The following ACO1 variants were observed in gnomAD, a reference collection of about 807,000 sequenced individuals.
ACO1 encodes aconitase 1, also known as cytoplasmic aconitate hydratase.
ACO1 carries 78 observed loss-of-function variants against 105.1 expected under a neutral mutation model. That is an observed-to-expected ratio of 0.74 (90% confidence interval 0.62 to 0.90). ACO1 has a LOEUF of 0.90. Ranked by LOEUF, ACO1 falls within the 40% of genes least tolerant of loss-of-function variation. The pLI is 0.00. For synonymous variants in ACO1, 364 were observed against 397.4 expected (o/e 0.92, Z 1.00); for missense variants, 965 against 1,111.1 (o/e 0.87, Z 1.87).
At chr9:32,386,948 A>T (rs992697456) in intron 1 of ACO1, among the ~76,000 whole-genome samples, 5 of 152,212 alleles carry the variant, frequency 3.3e-5, no homozygotes, top group Admixed American at 6.5e-5. Flanking sequence ...TCTATTATAT[A>T]GTCAGAGTGT....
chr9:32,437,608 G>T (rs1206252912), intron 18 of ACO1, among the ~76,000 whole-genome samples: 1 of 152,178 alleles, frequency 6.6e-6, no homozygotes, highest in African/African-American at 2.4e-5. Context: ...AGCCCTGCAT[G>T]ACATAGAACT....
At position 32,436,172 on chromosome 9, in the gene ACO1, T is replaced by C. The variant is rs144427419; in HGVS notation, c.2100-78T>C. 40 of 1,584,908 alleles carry C rather than the reference T, an allele frequency of 2.5e-5. No individual in the cohort carries two copies. In the East Asian group the frequency reaches 8.7e-4, roughly 35 times the overall value. ...GTCTATGTTTTGTTTTGTTTTGTTT[T>C]TTTCTTTTCTTGGTGTAAGCTAAGG... is the stretch of plus-strand genomic sequence containing the variant. On this transcript the variant is annotated intron_variant, in intron 17 of 20. Transcript: ENST00000309951.
At chr9:32,447,309 T>C (rs941379213) in intron 19 of ACO1, among the ~76,000 whole-genome samples, 2 of 152,234 alleles carry the variant, frequency 1.3e-5, no homozygotes, top group African/African-American at 4.8e-5. Flanking sequence ...CTTTATTTCA[T>C]TGAGTTGATC....
intron 13 of ACO1, 132 bp from the exon 14 acceptor site, chr9:32,430,286 T>C: frequency 1.2e-6 from 1 of 849,444 alleles, no homozygotes; most frequent in Non-Finnish European, 1.8e-6. Flanking sequence ...TCCCCTCTAG[T>C]GGGAGAGAAC....
intron 3 of ACO1, among the ~76,000 whole-genome samples, chr9:32,407,937 C>G (rs1372325022): frequency 6.6e-6 from 1 of 152,212 alleles, no homozygotes; most frequent in Non-Finnish European, 1.5e-5. Flanking sequence ...CCCATTGCAG[C>G]ATCTTTGTTG....
intron 2 of ACO1, 107 bp downstream of exon 2, chr9:32,405,710 G>C (rs149388820): frequency 1.9e-4 from 148 of 783,658 alleles, no homozygotes; most frequent in Non-Finnish European, 2.4e-4. Context: ...CAGAGAATGG[G>C]TGAATGTTCT....
rs769668610 is a variant in ACO1, at chr9:32,425,984, G to A, written c.1335G>A (p.Val445=). ...TSCTNTSNPS[V]MLGAGLLAKK... is the part of the protein sequence containing the mutation. The stretch of plus-strand genomic sequence containing the variant: ...GCACAAACACCAGTAATCCGTCTGT[G>A]ATGTTAGGGGCAGGTAAGTGCATTT... Residue 445 remains valine (V), a synonymous_variant, in exon 11 of 21, where the codon GTG becomes GTA. Coordinates refer to ENST00000309951, the MANE Select transcript of ACO1 (RefSeq NM_002197.3). 6.2e-7 allele frequency: 1 copy of A among 1,613,672 alleles called. No homozygotes were observed. The highest frequency in any genetic ancestry group is 8.5e-7 in the Non-Finnish European group (1 of 1,179,736).
chr9:32,406,338 T>C (rs1821609638), intron 2 of ACO1, among the ~76,000 whole-genome samples: 1 of 152,174 alleles, frequency 6.6e-6, no homozygotes, highest in African/African-American at 2.4e-5. Context: ...ACATTTAACA[T>C]AGGCTGCGTG....
At chr9:32,420,089 AT>A (rs1052151631) in intron 7 of ACO1, among the ~76,000 whole-genome samples, 1 of 104,500 alleles carries the variant, frequency 9.6e-6, no homozygotes, top group Non-Finnish European at 2.5e-5. Flanking sequence ...TCCTCACAAA[AT>A]TTGGCAGAAT....
At chr9:32,395,941 C>T (rs1018669188) in intron 1 of ACO1, among the ~76,000 whole-genome samples, 6 of 152,228 alleles carry the variant, frequency 3.9e-5, no homozygotes, top group Non-Finnish European at 1.5e-5. Flanking sequence ...GTTCTGCCCC[C>T]TCTTGGCCAG....
In ACO1 at chr9:32,408,376, C is replaced by G. The variant is rs572632758; in HGVS notation, c.267-138C>G. The G allele has an allele frequency of 3.1e-5, 30 of 955,580 alleles. No individual in the cohort carries two copies. In the East Asian group the frequency reaches 7.1e-4, roughly 22 times the overall value. The allele number at this position is 955,580 out of a possible 1,614,324, so 59.2% of individuals were successfully genotyped here. ...GAGGAAATACGCTTAGAAACTTTCA[C>G]TTTTCTAAGTCTCACCCATTGTTAG... On this transcript the variant is annotated intron_variant, in intron 3 of 20. Coordinates refer to ENST00000309951, the MANE Select transcript of ACO1 (RefSeq NM_002197.3).
intron 6 of ACO1, among the ~76,000 whole-genome samples, 197 bp from the exon 7 acceptor site, chr9:32,418,841 C>A (rs1388675047): frequency 6.6e-6 from 1 of 152,058 alleles, no homozygotes; most frequent in East Asian, 1.9e-4. Flanking sequence ...TTTGGGGGAC[C>A]ATGCTTTGAG....
rs1246483200 is a variant in ACO1 at position 32,419,090 on chromosome 9, G to C, written c.711G>C (p.Met237Ile). Residue 237 changes from methionine to isoleucine, a missense_variant, in exon 7 of 21, where the codon ATG becomes ATC. Physicochemically the swap from Met to Ile is conservative, Grantham distance 10. Transcript: ENST00000309951. ...EAVMLGQPIS[M>I]VLPQVIGYRL... is the part of the protein sequence containing the mutation. ...TCATGCTGGGTCAGCCAATCAGTAT[G>C]GTGCTTCCTCAGGTGATTGGCTACA... 1 of 1,609,694 alleles carries C rather than the reference G, an allele frequency of 6.2e-7. No individual in the cohort carries two copies. Among genetic ancestry groups the C allele is most frequent in the Admixed American group, 1.7e-5 (1 of 59,436 alleles).
chr9:32,448,286 G>A (rs568036709), intron 19 of ACO1, among the ~76,000 whole-genome samples: 27 of 152,296 alleles, frequency 1.8e-4, no homozygotes, highest in Admixed American at 1.2e-3. Context: ...GCTGAGCTGC[G>A]GTGGGCTCCA....
At chr9:32,414,085 G>A (rs918485806) in intron 4 of ACO1, among the ~76,000 whole-genome samples, 87 of 152,126 alleles carry the variant, frequency 5.7e-4, no homozygotes, top group Admixed American at 1.2e-3. Context: ...CCCAGGAGGC[G>A]GAGCTTGCAG....
At chr9:32,426,727 C>A (rs1400520061) in intron 11 of ACO1, among the ~76,000 whole-genome samples, 1 of 152,130 alleles carries the variant, frequency 6.6e-6, no homozygotes, top group African/African-American at 2.4e-5. Flanking sequence ...CATGTCCCCA[C>A]CCCCACTGCT....
Position 32,431,733 on chromosome 9 carries a change from G to A in ACO1, c.1741G>A (p.Gly581Arg). 3 of 1,614,030 alleles carry A rather than the reference G, an allele frequency of 1.9e-6. No homozygotes were observed. Among genetic ancestry groups the A allele is most frequent in the Non-Finnish European group, 2.5e-6 (3 of 1,179,978 alleles). ...TTTTTCCCCAGGAGTAAATGCAAAG[G>A]GACAGCAGGTATTTCTGAAAGATAT... ...EKEPLGVNAK[G>R]QQVFLKDIWP... is the part of the protein sequence containing the mutation. The change falls in exon 15 of 21, where the codon GGA becomes AGA. Residue 581 changes from glycine (G) to arginine (R), a missense_variant. Coordinates refer to ENST00000309951, the MANE Select transcript of ACO1 (RefSeq NM_002197.3).
intron 11 of ACO1, among the ~76,000 whole-genome samples, chr9:32,426,323 T>G (rs898699795): frequency 6.6e-6 from 1 of 152,188 alleles, no homozygotes; most frequent in African/African-American, 2.4e-5. Context: ...TACCACAGAC[T>G]TTGTTCTCCG....
At chr9:32,389,583 G>T (rs1821222750) in intron 1 of ACO1, among the ~76,000 whole-genome samples, 2 of 151,884 alleles carry the variant, frequency 1.3e-5, no homozygotes, top group South Asian at 4.1e-4. Flanking sequence ...CCCCTGTAGA[G>T]TCTGTCTGAC....
Sources: gnomAD v4.1 joint callset for allele counts (sites outside exome capture counted in the v4.1 genomes callset) on GRCh38, gnomAD v4.1.1 for gene constraint, MANE v1.5 for transcripts, NCBI Gene and HGNC (gene_info 2026-07-23, HGNC 2026-07-21) for gene names.